CDKL1: variants seen among roughly 807,000 people sequenced by gnomAD.
CDKL1 encodes the protein cyclin dependent kinase like 1.
In CDKL1, 41 loss-of-function variants were observed where a neutral mutation model predicts 42.0. The ratio of observed to expected loss-of-function variants is 0.98; its 90% CI spans 0.76 to 1.27. The LOEUF (loss-of-function observed/expected upper bound fraction) is 1.27. CDKL1 is among the 50% of genes most tolerant of loss of function. CDKL1 has a pLI of 0.00. For missense variants in CDKL1, 394 were observed against 428.4 expected (o/e 0.92, Z 0.71); for synonymous variants, 153 against 158.6 (o/e 0.96, Z 0.26).
In CDKL1 at chr14:50,355,812, T is replaced by C. The variant is rs149526943; in HGVS notation, c.290+3216A>G. On this transcript the variant is annotated intron_variant, in intron 3 of 9. Coordinates refer to ENST00000395834, the MANE Select transcript of CDKL1 (RefSeq NM_004196.7). ...AGTCTTCCAGGTACAATAGAGAAAG[T>C]AAGGAAACCCACGTTTGCTGAGCAA... is the stretch of plus-strand genomic sequence containing the variant. 1.4e-4 allele frequency among the ~76,000 whole-genome samples: 21 copies of C among 152,196 alleles called. No homozygotes were observed. In the East Asian group the frequency reaches 3.7e-3, roughly 27 times the overall value.
rs566909071 is a variant in CDKL1, at chr14:50,344,624, C to T, written c.363+362G>A. On this transcript the variant is annotated intron_variant, in intron 4 of 9. Coordinates refer to ENST00000395834, the MANE Select transcript of CDKL1 (RefSeq NM_004196.7). ...AGCCAGGACCACAGGCACACACCAC[C>T]GCACCCAGTTCATTTTTTTTTATTT... Among the ~76,000 whole-genome samples, 24 of 151,886 alleles carry T rather than the reference C, an allele frequency of 1.6e-4. 1 individual carries two copies. Among genetic ancestry groups the T allele is most frequent in the South Asian group, 1.3e-3 (6 of 4,800 alleles).
intron 4 of CDKL1, among the ~76,000 whole-genome samples, chr14:50,344,112 G>C (rs539304516): frequency 6.6e-6 from 1 of 152,328 alleles, no homozygotes; most frequent in South Asian, 2.1e-4. Context: ...TGTATTGGAT[G>C]GGGCAGCAGG....
intron 2 of CDKL1, chr14:50,362,959 G>A (rs776519046): frequency 1.5e-5 from 7 of 464,550 alleles, no homozygotes; most frequent in East Asian, 7.0e-5. Flanking sequence ...TGCTGCTCAC[G>A]CTTTGGGTCC....
chr14:50,342,691 G>A, intron 4 of CDKL1: 1 of 297,176 alleles, frequency 3.4e-6, no homozygotes, highest in Non-Finnish European at 5.7e-6. Context: ...CTGCATCATG[G>A]TTGCAGGAGC....
chr14:50,335,855 C>T lies in CDKL1; in HGVS notation c.739-1234G>A, dbSNP rs2033240685. On this transcript the variant is annotated intron_variant, in intron 7 of 9. Transcript: ENST00000395834. ...CCAATAACCAATTCTGGATTGTACA[C>T]ATACTAATCATTGATAAGAGTAGGA... The T allele has an allele frequency of 1.3e-5, 17 of 1,280,144 alleles. No individual in the cohort carries two copies. The South Asian group carries it at 2.4e-4, about 18-fold the overall frequency. The allele number at this position is 1,280,144 out of a possible 1,614,324, so 79.3% of individuals were successfully genotyped here.
intron 3 of CDKL1, among the ~76,000 whole-genome samples, chr14:50,356,509 A>G (rs542089844): frequency 2.0e-5 from 3 of 152,388 alleles, no homozygotes; most frequent in East Asian, 3.9e-4. Context: ...ATAAAAATGA[A>G]TGAGATCATG....
At chr14:50,350,102 G>A (rs1330651793) in intron 3 of CDKL1, among the ~76,000 whole-genome samples, 3 of 152,072 alleles carry the variant, frequency 2.0e-5, no homozygotes, top group Admixed American at 1.3e-4. Flanking sequence ...CAGAAATGGG[G>A]GTCTTGCTGT....
intron 7 of CDKL1, 88 bp from the exon 8 acceptor site, chr14:50,334,709 C>T: frequency 1.2e-6 from 1 of 857,564 alleles, no homozygotes; most frequent in Non-Finnish European, 2.0e-6. Context: ...AAACATTTTC[C>T]TGGCACCTTC....
In CDKL1 at chr14:50,329,507, A is replaced by G. The variant is rs1025386502; in HGVS notation, c.*567T>C. On this transcript the variant is annotated 3_prime_UTR_variant, in exon 10 of 10. Transcript: ENST00000395834. ...AATTACCAAGCTTTTGTGATAATTC[A>G]TATGCTTTTAAATATTTTGAACCTA... 3.3e-5 allele frequency: 5 copies of G among 152,564 alleles called. No homozygotes were observed. Among genetic ancestry groups the G allele is most frequent in the Admixed American group, 6.5e-5 (1 of 15,328 alleles). 9.5% of individuals were successfully genotyped at this position (152,564 alleles called of 1,614,324 possible).
chr14:50,372,677 A>C (rs2034622810), intron 2 of CDKL1, among the ~76,000 whole-genome samples: 1 of 152,268 alleles, frequency 6.6e-6, no homozygotes, highest in African/African-American at 2.4e-5. Flanking sequence ...TTACAGTTTA[A>C]GTCTTTAATC....
At chr14:50,392,503 G>A (rs1432131342) in intron 2 of CDKL1, among the ~76,000 whole-genome samples, 2 of 143,564 alleles carry the variant, frequency 1.4e-5, no homozygotes. Context: ...AAAGAACATT[G>A]TTCTATGGGG....
chr14:50,396,909 C>T (rs535994617), upstream of CDKL1: 1 of 287,556 alleles, frequency 3.5e-6, no homozygotes, highest in Admixed American at 6.0e-5. Context: ...CCCGCGATCC[C>T]TATGGGAACC....
At position 50,371,635 on chromosome 14, in the gene CDKL1, G is replaced by C. The variant is rs1198238147; in HGVS notation, c.169-12486C>G. Among the ~76,000 whole-genome samples, 3 of 152,234 alleles carry C rather than the reference G, an allele frequency of 2.0e-5. No homozygotes were observed. In the East Asian group the frequency reaches 5.8e-4, roughly 29 times the overall value. ...AGCTGCTGCCATGATGCTGGCTGCA[G>C]TGGGGGAGGCGCAGCCATGGCTGTG... is the stretch of plus-strand genomic sequence containing the variant. On this transcript the variant is annotated intron_variant, in intron 2 of 9. Coordinates refer to ENST00000395834, the MANE Select transcript of CDKL1 (RefSeq NM_004196.7).
intron 2 of CDKL1, among the ~76,000 whole-genome samples, chr14:50,377,385 C>G (rs2034763351): frequency 6.6e-6 from 1 of 152,142 alleles, no homozygotes; most frequent in South Asian, 2.1e-4. Flanking sequence ...AGGATGAGTC[C>G]CCGTTCCTGG....
At chr14:50,357,470 C>T (rs1203841831) in intron 3 of CDKL1, among the ~76,000 whole-genome samples, 1 of 152,136 alleles carries the variant, frequency 6.6e-6, no homozygotes, top group Non-Finnish European at 1.5e-5. Flanking sequence ...AATCTATAAT[C>T]CACTCTTCAT....
At chr14:50,387,045 A>AG (rs1315971088) in intron 2 of CDKL1, among the ~76,000 whole-genome samples, 1 of 147,578 alleles carries the variant, frequency 6.8e-6, no homozygotes, top group African/African-American at 2.5e-5. Flanking sequence ...AAAAAAAAAA[A>AG]GAATACAAAG....
chr14:50,376,268 T>C (rs1347214164), intron 2 of CDKL1: 1 of 423,594 alleles, frequency 2.4e-6, no homozygotes, highest in African/African-American at 2.1e-5. Context: ...TATCTTCTAG[T>C]TTTTCCGTAA....
intron 2 of CDKL1, among the ~76,000 whole-genome samples, chr14:50,391,627 C>G (rs1475854107): frequency 6.6e-6 from 1 of 152,050 alleles, no homozygotes; most frequent in Non-Finnish European, 1.5e-5. Context: ...AAGTGATCCG[C>G]CCGTCTCAGC....
At chr14:50,396,928 C>T (rs2035429323), upstream of CDKL1, 2 of 339,730 alleles carry the variant, frequency 5.9e-6, no homozygotes, top group African/African-American at 2.3e-5. Context: ...CCGGCTCCCG[C>T]CCCGGGTCTG....
Sources: allele counts gnomAD v4.1 joint callset (sites outside exome capture counted in the v4.1 genomes callset), GRCh38; gene constraint gnomAD v4.1.1; transcripts MANE v1.5; gene names NCBI Gene and HGNC (gene_info 2026-07-23, HGNC 2026-07-21).